Variants in PCBP3 observed in about 807,000 individuals in gnomAD.
PCBP3 encodes the protein poly(rC)-binding protein 3.
A neutral mutation model predicts 52.7 loss-of-function variants in PCBP3; 25 were observed. The observed-to-expected ratio is 0.47, with a 90% CI of 0.35 to 0.66. The LOEUF is 0.66. Among genes scored for constraint, PCBP3 ranks in the 30% least tolerant of loss-of-function variants. PCBP3 has a pLI of 0.01. For synonymous variants in PCBP3, 162 were observed against 183.0 expected (o/e 0.89, Z 0.93); for missense variants, 391 against 490.3 (o/e 0.80, Z 1.91).
chr21:45,932,705 G>T (rs2076409511), intron 15 of PCBP3, among the ~76,000 whole-genome samples: 1 of 151,718 alleles, frequency 6.6e-6, no homozygotes, highest in South Asian at 2.1e-4. Flanking sequence ...ATCCTGAAAT[G>T]AATGAACACA....
rs1186569265 is a variant in PCBP3, at chr21:45,923,847, C to T, written c.718-6070C>T. ...AGGAGATGCGAACACCGGGAACAGT[C>T]GAGTGGGTAGAAACAGCACACGTAA... On this transcript the variant is annotated intron_variant, in intron 13 of 17. Transcript: ENST00000681687. 2.6e-3 allele frequency among the ~76,000 whole-genome samples: 348 copies of T among 136,254 alleles called. 1 individual carries two copies. The highest frequency in any genetic ancestry group is 8.6e-3 in the African/African-American group (303 of 35,188). The allele number at this position is 136,254 out of a possible 152,430, so 89.4% of individuals were successfully genotyped here.
chr21:45,798,620 G>A (rs571031287), intron 4 of PCBP3, among the ~76,000 whole-genome samples: 1 of 151,588 alleles, frequency 6.6e-6, no homozygotes. Flanking sequence ...TAGAGAGAGC[G>A]AATGGATGTG....
At chr21:45,883,249 G>C (rs1420582555) in intron 5 of PCBP3, among the ~76,000 whole-genome samples, 1 of 152,208 alleles carries the variant, frequency 6.6e-6, no homozygotes, top group African/African-American at 2.4e-5. Context: ...GCTGTGGTCA[G>C]AGAACATACA....
chr21:45,654,737 A>G (rs1388240037), intron 1 of PCBP3, among the ~76,000 whole-genome samples: 1 of 152,208 alleles, frequency 6.6e-6, no homozygotes, highest in Non-Finnish European at 1.5e-5. Context: ...TTCACACACT[A>G]TAAAATTCAC....
intron 3 of PCBP3, among the ~76,000 whole-genome samples, chr21:45,739,260 A>C (rs1603357101): frequency 1.8e-5 from 1 of 56,518 alleles, no homozygotes; most frequent in African/African-American, 7.1e-5. Context: ...CTTCCTGTCC[A>C]TGGCCCCCTG....
intron 1 of PCBP3, among the ~76,000 whole-genome samples, chr21:45,650,324 C>T (rs147608435): frequency 2.0e-5 from 3 of 152,098 alleles, no homozygotes; most frequent in African/African-American, 7.2e-5. Flanking sequence ...AATTATTGGA[C>T]CCAATATGCA....
intron 9 of PCBP3, among the ~76,000 whole-genome samples, chr21:45,907,977 A>C (rs1603484631): frequency 6.6e-6 from 1 of 152,132 alleles, no homozygotes; most frequent in East Asian, 1.9e-4. Flanking sequence ...AGAATGTTTT[A>C]GTGAAACTAT....
chr21:45,742,125 C>T lies in PCBP3; in HGVS notation c.-162+6696C>T, dbSNP rs553396093. ...CTTTTTGTTTATTTTTTCTGATTTT[C>T]CACTAATATCCATAATACGAGGTAA... is the stretch of plus-strand genomic sequence containing the variant. On this transcript the variant is annotated intron_variant, in intron 3 of 17. Coordinates refer to ENST00000681687, the MANE Select transcript of PCBP3 (RefSeq NM_001384156.1). Among the ~76,000 whole-genome samples, 83 of 152,172 alleles carry T rather than the reference C, an allele frequency of 5.5e-4. No homozygotes were observed. The Middle Eastern group carries it at 0.01, about 19-fold the overall frequency.
rs966996739 is a variant in PCBP3, at chr21:45,925,279, A to G, written c.718-4638A>G. On this transcript the variant is annotated intron_variant, in intron 13 of 17. Coordinates refer to ENST00000681687, the MANE Select transcript of PCBP3 (RefSeq NM_001384156.1). ...AGAAGACACTGAGTGTAGACTCTCA[A>G]CGCACATGTTAAAGTTTCAATGACC... Among the ~76,000 whole-genome samples, 4 of 152,126 alleles carry G rather than the reference A, an allele frequency of 2.6e-5. No individual in the cohort carries two copies. In the East Asian group the frequency reaches 7.7e-4, roughly 29 times the overall value.
intron 3 of PCBP3, among the ~76,000 whole-genome samples, chr21:45,740,621 AGTG>A (rs2086362347): frequency 6.6e-6 from 1 of 150,380 alleles, no homozygotes; most frequent in Non-Finnish European, 1.5e-5. Context: ...TGGTGTGTGT[AGTG>A]TGTGTGTGTG....
chr21:45,877,101 TCA>T (rs1166480847), intron 5 of PCBP3, among the ~76,000 whole-genome samples: 1 of 152,386 alleles, frequency 6.6e-6, no homozygotes, highest in African/African-American at 2.4e-5. Flanking sequence ...AACTTGGGCC[TCA>T]CATGACACTT....
At chr21:45,705,734 CT>C (rs949947045) in intron 2 of PCBP3, among the ~76,000 whole-genome samples, 14 of 151,658 alleles carry the variant, frequency 9.2e-5, no homozygotes, top group East Asian at 1.9e-4. Flanking sequence ...CTCTTATAGT[CT>C]TTTTTTTTCC....
intron 4 of PCBP3, among the ~76,000 whole-genome samples, chr21:45,769,688 A>G (rs1344510946): frequency 6.6e-6 from 1 of 152,152 alleles, no homozygotes; most frequent in Admixed American, 6.5e-5. Flanking sequence ...CTGGGGTCCT[A>G]AAGTCCTGCA....
intron 12 of PCBP3, chr21:45,914,253 C>T: frequency 1.5e-6 from 1 of 648,282 alleles, no homozygotes; most frequent in Admixed American, 3.3e-5. Context: ...GTTCTCCCTC[C>T]CTGACCCGGG....
At chr21:45,783,324 C>G (rs748776653) in intron 4 of PCBP3, among the ~76,000 whole-genome samples, 3 of 152,168 alleles carry the variant, frequency 2.0e-5, no homozygotes, top group Non-Finnish European at 2.9e-5. Flanking sequence ...TGTTATGTAT[C>G]AGGGATGATC....
chr21:45,908,439 G>T (rs1045455680), intron 9 of PCBP3, among the ~76,000 whole-genome samples: 2 of 152,342 alleles, frequency 1.3e-5, no homozygotes, highest in Non-Finnish European at 1.5e-5. Context: ...TTCCTTGCTA[G>T]TCTATAGCAG....
At chr21:45,915,795 C>CTG (rs1265399927) in intron 12 of PCBP3, 1 of 152,340 alleles carries the variant, frequency 6.6e-6, no homozygotes, top group Non-Finnish European at 1.5e-5. Context: ...GTTACCCACC[C>CTG]TGAAGTAACC....
intron 2 of PCBP3, among the ~76,000 whole-genome samples, chr21:45,723,771 G>A (rs552920810): frequency 6.6e-6 from 1 of 152,296 alleles, no homozygotes; most frequent in South Asian, 2.1e-4. Flanking sequence ...CAGGGTCTGT[G>A]GGATCTGCAT....
chr21:45,801,280 C>T (rs967687648), intron 4 of PCBP3, among the ~76,000 whole-genome samples: 21 of 152,252 alleles, frequency 1.4e-4, no homozygotes, highest in Non-Finnish European at 2.2e-4. Flanking sequence ...AGCTGCTCCT[C>T]TGTCCCCACT....
Sources: gnomAD v4.1 joint callset for allele counts (sites outside exome capture counted in the v4.1 genomes callset) on GRCh38, gnomAD v4.1.1 for gene constraint, MANE v1.5 for transcripts, NCBI Gene and HGNC (gene_info 2026-07-23, HGNC 2026-07-21) for gene names.